Variants in SESTD1 observed in about 807,000 individuals in gnomAD.
SESTD1 encodes the protein SEC14 domain and spectrin repeat-containing protein 1.
A neutral mutation model predicts 101.7 loss-of-function variants in SESTD1; 43 were observed. The observed-to-expected ratio is 0.42, with a 90% CI of 0.33 to 0.55. SESTD1 has a LOEUF of 0.55. Among genes scored for constraint, SESTD1 ranks in the 20% least tolerant of loss-of-function variants. The probability of loss-of-function intolerance (pLI) is 0.07; values close to 1 mark genes in which losing one functional copy is unlikely to be tolerated. For synonymous variants in SESTD1, 283 were observed against 286.8 expected (o/e 0.99, Z 0.13); for missense variants, 647 against 815.1 (o/e 0.79, Z 2.51).
chr2:179,116,749 C>G lies in SESTD1; in HGVS notation c.1566G>C (p.Lys522Asn), dbSNP rs754904136. Residue 522 changes from lysine to asparagine, a missense_variant, in exon 15 of 18, where the codon AAG (lysine) becomes AAC (asparagine). Coordinates refer to ENST00000428443, the MANE Select transcript of SESTD1 (RefSeq NM_178123.5). ...CATCATCGCCCAATCTGATGTGAGT[C>G]TTAAGCAGAGCATCCAGAAGTTCAC... ...WLSELLDALL[K>N]THIRLGDDAQ... The G allele has an allele frequency of 6.2e-7, 1 of 1,614,100 alleles. No individual in the cohort carries two copies. The highest frequency in any genetic ancestry group is 8.5e-7 in the Non-Finnish European group (1 of 1,180,002).
chr2:179,169,598 C>G (rs2045895215), intron 5 of SESTD1, among the ~76,000 whole-genome samples: 1 of 152,080 alleles, frequency 6.6e-6, no homozygotes, highest in Admixed American at 6.5e-5. Flanking sequence ...TTGACAGTTA[C>G]AGAACACTCC....
chr2:179,121,919 C>A lies in SESTD1; in HGVS notation c.1293G>T (p.Leu431Phe). The A allele has an allele frequency of 6.3e-7, 1 of 1,599,840 alleles. No homozygotes were observed. The highest frequency in any genetic ancestry group is 8.5e-7 in the Non-Finnish European group (1 of 1,175,562). ...CTTGACCTTTTTCACGCAAACCTTG[C>A]AATCCCACATCTAAAACAAAAGTTA... Reference protein sequence around the residue: ...EEKLKSVDVGLQGLREKGQGL... With the variant: ...EEKLKSVDVGFQGLREKGQGL... Residue 431 changes from leucine to phenylalanine, a missense_variant, in exon 13 of 18, where the codon TTG becomes TTT. Leu to Phe is a conservative substitution (Grantham distance 22). Coordinates refer to ENST00000428443, the MANE Select transcript of SESTD1 (RefSeq NM_178123.5).
At chr2:179,199,730 A>G (rs1484434810) in intron 1 of SESTD1, among the ~76,000 whole-genome samples, 2 of 152,246 alleles carry the variant, frequency 1.3e-5, no homozygotes, top group South Asian at 4.1e-4. Context: ...ATAGATGCAG[A>G]AAAGGCCTTT....
chr2:179,221,022 A>G (rs901934044), intron 1 of SESTD1, among the ~76,000 whole-genome samples: 12 of 152,190 alleles, frequency 7.9e-5, no homozygotes, highest in Non-Finnish European at 1.6e-4. Flanking sequence ...TTATATGTTC[A>G]CTACCACAAA....
At chr2:179,124,612 G>A in intron 10 of SESTD1, 54 bp from the exon 11 acceptor site, 2 of 1,385,030 alleles carry the variant, frequency 1.4e-6, no homozygotes, top group South Asian at 1.4e-5. Flanking sequence ...TCCTGGAAGA[G>A]ATTACATTTT....
At chr2:179,204,900 C>G (rs2046570503) in intron 1 of SESTD1, among the ~76,000 whole-genome samples, 1 of 134,790 alleles carries the variant, frequency 7.4e-6, no homozygotes, top group Admixed American at 7.2e-5. Flanking sequence ...AAAATTCAAC[C>G]TTGAGGAAGA....
Position 179,202,512 on chromosome 2 carries a change from T to C in SESTD1, c.-25-10646A>G, listed in dbSNP as rs1382855364. On this transcript the variant is annotated intron_variant, in intron 1 of 17. Transcript: ENST00000428443. ...TCAATGTAATCAAAAAAACAACTTA[T>C]GCTGTTCCTAAGAGTCATGTACTCC... 6.7e-5 allele frequency among the ~76,000 whole-genome samples: 9 copies of C among 134,938 alleles called. 2 individuals are homozygous for C. In the South Asian group the frequency reaches 2.0e-3, roughly 30 times the overall value. 88.5% of individuals were successfully genotyped at this position (134,938 alleles called of 152,430 possible).
chr2:179,114,294 C>T (rs1254063630), intron 16 of SESTD1, among the ~76,000 whole-genome samples: 1 of 152,146 alleles, frequency 6.6e-6, no homozygotes, highest in African/African-American at 2.4e-5. Context: ...ACTTTAATTC[C>T]TGAGGTTCCT....
intron 1 of SESTD1, among the ~76,000 whole-genome samples, chr2:179,192,263 T>TCAAA (rs1429746337): frequency 6.6e-6 from 1 of 152,178 alleles, no homozygotes; most frequent in Non-Finnish European, 1.5e-5. Context: ...AATGAATCAA[T>TCAAA]CAAACAGGCA....
chr2:179,122,420 G>A (rs750109177), intron 12 of SESTD1, among the ~76,000 whole-genome samples: 4 of 152,058 alleles, frequency 2.6e-5, no homozygotes, highest in Admixed American at 6.6e-5. Context: ...ATACAGTCTA[G>A]CTTCTATACC....
chr2:179,138,304 C>A (rs1250996110), intron 9 of SESTD1, among the ~76,000 whole-genome samples: 1 of 152,138 alleles, frequency 6.6e-6, no homozygotes, highest in Non-Finnish European at 1.5e-5. Flanking sequence ...AATCACTTAA[C>A]CCATTTAGCA....
rs924974180 is a variant in SESTD1 at position 179,220,570 on chromosome 2, T to C, written c.-25-28704A>G. ...ACATTTTCTGCATCTAAGCCTTGTG[T>C]TGAGCTCTAGAAACCTGAACCATTT... On this transcript the variant is annotated intron_variant, in intron 1 of 17. Transcript: ENST00000428443. 7.9e-5 allele frequency among the ~76,000 whole-genome samples: 12 copies of C among 152,306 alleles called. No individual in the cohort carries two copies. The Middle Eastern group carries it at 0.01, about 130-fold the overall frequency.
rs142884359 is a variant in SESTD1, at chr2:179,145,227, T to C, written c.637+1175A>G. Among the ~76,000 whole-genome samples, 511 of 152,314 alleles carry C rather than the reference T, an allele frequency of 3.4e-3. 4 individuals are homozygous for C. Among genetic ancestry groups the C allele is most frequent in the African/African-American group, 0.012 (485 of 41,574 alleles). ...CTACTTTGACAATTGTCACCCTTGA[T>C]TATTTTTCTTGTCGATATCATTTTC... On this transcript the variant is annotated intron_variant, in intron 8 of 17. Coordinates refer to ENST00000428443, the MANE Select transcript of SESTD1 (RefSeq NM_178123.5).
In SESTD1 at chr2:179,156,477, G is replaced by A. The variant is rs551801810; in HGVS notation, c.370-5086C>T. Among the ~76,000 whole-genome samples, 20 of 152,174 alleles carry A rather than the reference G, an allele frequency of 1.3e-4. No homozygotes were observed. In the East Asian group the frequency reaches 3.1e-3, roughly 23 times the overall value. ...CAGTACGGAAGTGTTCCCTGATCAC[G>A]GCATTCACGCCAACATCTGTTTTTT... On this transcript the variant is annotated intron_variant, in intron 5 of 17. Coordinates refer to ENST00000428443, the MANE Select transcript of SESTD1 (RefSeq NM_178123.5).
chr2:179,183,839 A>C (rs1269009140), intron 2 of SESTD1, among the ~76,000 whole-genome samples: 1 of 144,938 alleles, frequency 6.9e-6, no homozygotes, highest in Non-Finnish European at 1.5e-5. Flanking sequence ...GAAAGGAGAG[A>C]GAGAGAGAGA....
intron 5 of SESTD1, among the ~76,000 whole-genome samples, chr2:179,167,288 A>G (rs369795740): frequency 2.5e-4 from 38 of 152,312 alleles, no homozygotes; most frequent in African/African-American, 8.9e-4. Flanking sequence ...AAGGAAACAA[A>G]GAGTGAACTT....
chr2:179,240,059 G>A (rs1358055701), intron 1 of SESTD1, among the ~76,000 whole-genome samples: 7 of 152,146 alleles, frequency 4.6e-5, no homozygotes, highest in Non-Finnish European at 5.9e-5. Flanking sequence ...TGAGATGAAC[G>A]ATTGGTGCAT....
At chr2:179,114,204 T>C (rs1250255626) in intron 16 of SESTD1, among the ~76,000 whole-genome samples, 1 of 152,204 alleles carries the variant, frequency 6.6e-6, no homozygotes, top group Non-Finnish European at 1.5e-5. Context: ...CAAACACTGA[T>C]CTACGGAGTT....
At chr2:179,188,376 A>G (rs1363753260) in intron 2 of SESTD1, among the ~76,000 whole-genome samples, 1 of 152,242 alleles carries the variant, frequency 6.6e-6, no homozygotes, top group Non-Finnish European at 1.5e-5. Flanking sequence ...TTGTTTTGAG[A>G]TAAATGAAAA....
Sources: allele counts gnomAD v4.1 joint callset (sites outside exome capture counted in the v4.1 genomes callset), GRCh38; gene constraint gnomAD v4.1.1; transcripts MANE v1.5; gene names NCBI Gene and HGNC (gene_info 2026-07-23, HGNC 2026-07-21).